The following RUNX3 variants were observed in gnomAD, a reference collection of about 807,000 sequenced individuals.
RUNX3 encodes runt-related transcription factor 3.
In RUNX3, 10 loss-of-function variants were observed where a neutral mutation model predicts 27.7. The observed-to-expected ratio is 0.36, with a 90% CI of 0.22 to 0.61. The LOEUF is 0.61. RUNX3 is among the 20% of genes least tolerant of loss of function. The pLI, the probability that RUNX3 is intolerant of heterozygous loss-of-function variation, is 0.72. For missense variants in RUNX3, 469 were observed against 629.5 expected (o/e 0.75, Z 2.73); for synonymous variants, 270 against 269.2 (o/e 1.00, Z -0.03).
chr1:24,930,498 C>G (rs546531189), upstream of RUNX3, among the ~76,000 whole-genome samples: 3 of 152,222 alleles, frequency 2.0e-5, no homozygotes, highest in African/African-American at 4.8e-5. The surrounding 1 kb of genome is among the most constrained non-coding windows in gnomAD (Gnocchi z 4.1). Context: ...CCCCCGAGAG[C>G]TCTGGGAGCC....
chr1:24,958,913 G>T (rs755085344), intron 2 of RUNX3, among the ~76,000 whole-genome samples: 18 of 152,198 alleles, frequency 1.2e-4, no homozygotes, highest in Non-Finnish European at 8.8e-5. Context: ...ATTTGAGGAA[G>T]AGTCTGCAGA....
intron 2 of RUNX3, among the ~76,000 whole-genome samples, chr1:24,921,247 T>C (rs1030141401): frequency 2.6e-5 from 4 of 152,198 alleles, no homozygotes; most frequent in Admixed American, 6.5e-5. Flanking sequence ...GGCCGGGTAC[T>C]TGTTAGTCAA....
intron 2 of RUNX3, among the ~76,000 whole-genome samples, chr1:24,921,032 T>C (rs984499101): frequency 6.6e-6 from 1 of 152,154 alleles, no homozygotes; most frequent in African/African-American, 2.4e-5. Context: ...GGGAACTCCC[T>C]GTGGGTAGGG....
Position 24,929,937 on chromosome 1 carries a change from C to T in RUNX3, c.-69G>A. On this transcript the variant is annotated 5_prime_UTR_variant, in exon 1 of 5. Coordinates refer to ENST00000308873, the MANE Select transcript of RUNX3 (RefSeq NM_004350.3). ...TTCCCCCGGGGGCGGCCGGCGCGGG[C>T]GCCTCCTCGGCCGCCGCTGCCGCGA... 18 of 1,219,568 alleles carry T rather than the reference C, an allele frequency of 1.5e-5. No individual in the cohort carries two copies. Among genetic ancestry groups the T allele is most frequent in the Non-Finnish European group, 1.8e-5 (18 of 981,564 alleles). The allele number at this position is 1,219,568 out of a possible 1,614,324, so 75.5% of individuals were successfully genotyped here.
rs144597350 is a variant in RUNX3 at position 24,902,641 on chromosome 1, G to A, written c.729C>T (p.Ser243=). 4.2e-5 allele frequency: 64 copies of A among 1,526,172 alleles called. No individual in the cohort carries two copies. Among genetic ancestry groups the A allele is most frequent in the Middle Eastern group, 1.8e-4 (1 of 5,630 alleles). The allele number at this position is 1,526,172 out of a possible 1,614,324, so 94.5% of individuals were successfully genotyped here. The change falls in exon 5 of 5, where the codon TCC becomes TCT. Residue 243 remains serine, a synonymous_variant. Transcript: ENST00000308873. The surrounding 1 kb of genome is among the most constrained non-coding windows in gnomAD (Gnocchi z 9.2). ...IQGTSELNPF[S]DPRQFDRSFP... The stretch of plus-strand genomic sequence containing the variant: ...AGGAGCGGTCAAACTGGCGGGGGTC[G>A]GAGAATGGGTTCAGTTCCGAGGTGC...
intron 2 of RUNX3, among the ~76,000 whole-genome samples, chr1:24,946,152 G>T (rs1641600545): frequency 6.6e-6 from 1 of 152,086 alleles, no homozygotes. Flanking sequence ...TATAAAAGGG[G>T]AAGAACAATC....
intron 2 of RUNX3, among the ~76,000 whole-genome samples, chr1:24,937,552 A>G (rs763711976): frequency 6.6e-6 from 1 of 152,234 alleles, no homozygotes; most frequent in Non-Finnish European, 1.5e-5. Flanking sequence ...AGGCTCAGAG[A>G]GGCTTCCATA....
rs1428558453 is a variant in RUNX3, at chr1:24,930,041, G to A, written c.-173C>T. 2 of 980,960 alleles carry A rather than the reference G, an allele frequency of 2.0e-6. No homozygotes were observed. The highest frequency in any genetic ancestry group is 3.5e-5 in the African/African-American group (2 of 56,742). The allele number at this position is 980,960 out of a possible 1,614,324, so 60.8% of individuals were successfully genotyped here. On this transcript the variant is annotated 5_prime_UTR_variant, in exon 1 of 5. Coordinates refer to ENST00000308873, the MANE Select transcript of RUNX3 (RefSeq NM_004350.3). This position sits in a 1 kb window ranked among gnomAD's most constrained non-coding sequence, Gnocchi z 4.1. Reference sequence around the variant, plus strand: ...GCCCGGCCACTACTCGCCAGGGCCCGCCCGCTGCGAGGCCTCGCTGGCCCG... The same window carrying A: ...GCCCGGCCACTACTCGCCAGGGCCCACCCGCTGCGAGGCCTCGCTGGCCCG...
At chr1:24,946,527 T>G (rs1419075926) in intron 2 of RUNX3, among the ~76,000 whole-genome samples, 5 of 152,118 alleles carry the variant, frequency 3.3e-5, no homozygotes, top group Non-Finnish European at 7.4e-5. Context: ...AGGGGACAAG[T>G]GGCTGCTAGA....
chr1:24,920,867 G>A (rs528682909), intron 2 of RUNX3, among the ~76,000 whole-genome samples: 1 of 152,142 alleles, frequency 6.6e-6, no homozygotes, highest in East Asian at 1.9e-4. Context: ...GGAGTTTGGG[G>A]GTCTGGGTAA....
In RUNX3 at chr1:24,899,964, G is replaced by A. The variant is rs1640504514; in HGVS notation, c.*2158C>T. ...ACTTTTTGTCAGGGGATGGGGGATGGGGTAGGAAGAGCAATTTATTTACTA... is the reference window on the plus strand; with the variant it reads ...ACTTTTTGTCAGGGGATGGGGGATGAGGTAGGAAGAGCAATTTATTTACTA... On this transcript the variant is annotated 3_prime_UTR_variant, in exon 5 of 5. Transcript: ENST00000308873. 1 of 152,440 alleles carries A rather than the reference G, an allele frequency of 6.6e-6. No individual in the cohort carries two copies. Among genetic ancestry groups the A allele is most frequent in the African/African-American group, 2.4e-5 (1 of 41,434 alleles). The allele number at this position is 152,440 out of a possible 1,614,324, so 9.4% of individuals were successfully genotyped here.
intron 3 of RUNX3, 47 bp from the exon 4 acceptor site, chr1:24,907,464 A>G (rs1255158788): frequency 1.3e-6 from 2 of 1,566,634 alleles, no homozygotes; most frequent in Admixed American, 1.8e-5. Context: ...CCAGAGTCTC[A>G]GTGGAGACAG....
At chr1:24,908,237 ACGCGGTGATCTG>A (rs1245566028) in intron 3 of RUNX3, among the ~76,000 whole-genome samples, 13 of 150,456 alleles carry the variant, frequency 8.6e-5, no homozygotes, top group African/African-American at 3.0e-4. Context: ...CCTCTATGAC[ACGCGGTGATCTG>A]AACCTCTACG....
chr1:24,941,567 G>A (rs1158638184), intron 2 of RUNX3, among the ~76,000 whole-genome samples: 1 of 152,192 alleles, frequency 6.6e-6, no homozygotes, highest in African/African-American at 2.4e-5. Context: ...GCTGAGCCTT[G>A]AACCTCAGCA....
Position 24,902,303 on chromosome 1 carries a change from G to A in RUNX3, c.1067C>T (p.Ser356Leu). The A allele has an allele frequency of 1.9e-6, 3 of 1,604,790 alleles. No homozygotes were observed. The highest frequency in any genetic ancestry group is 1.7e-6 in the Non-Finnish European group (2 of 1,177,310). Residue 356 changes from serine to leucine, a missense_variant, in exon 5 of 5, where the codon TCA becomes TTA. Coordinates refer to ENST00000308873, the MANE Select transcript of RUNX3 (RefSeq NM_004350.3). The surrounding 1 kb of genome is among the most constrained non-coding windows in gnomAD (Gnocchi z 9.2). ...VAGSSSGGDR[S>L]PTRMLASCTS... Reference sequence around the variant, plus strand: ...GCAAGAGGCCAGCATGCGGGTAGGTGAGCGGTCGCCCCCACTGCTGCTGCC... The same window carrying A: ...GCAAGAGGCCAGCATGCGGGTAGGTAAGCGGTCGCCCCCACTGCTGCTGCC...
intron 2 of RUNX3, among the ~76,000 whole-genome samples, chr1:24,936,075 A>G (rs1641344062): frequency 2.0e-5 from 3 of 152,218 alleles, no homozygotes; most frequent in Non-Finnish European, 4.4e-5. Flanking sequence ...GGACTCTTCT[A>G]CTGGGAGCCA....
In RUNX3 at chr1:24,919,252, G is replaced by A; in HGVS notation, c.532C>T (p.Arg178Trp). 2 of 1,595,192 alleles carry A rather than the reference G, an allele frequency of 1.3e-6. No homozygotes were observed. The highest frequency in any genetic ancestry group is 8.5e-7 in the Non-Finnish European group (1 of 1,172,072). The change falls in exon 3 of 5, where the codon CGG (arginine) becomes TGG (tryptophan). Residue 178 changes from arginine (R) to tryptophan (W), a missense_variant. By Grantham distance (101) the Arg-to-Trp change is moderately radical. This residue lies in a region of RUNX3 where 75 missense variants were observed against 168.5 expected (regional missense o/e 0.45). Transcript: ENST00000308873. Reference protein sequence around the residue: ...RAIKVTVDGPREPRRHRQKLE... With the variant: ...RAIKVTVDGPWEPRRHRQKLE... ...CGGTGGCACTTACGTCTGGGCTCCC[G>A]GGGTCCGTCCACGGTCACCTTGATG...
chr1:24,943,327 CAG>C lies in RUNX3; in HGVS notation c.59-13477_59-13476del, dbSNP rs1396358158. ...CCAGCAAATGTGAGGCTCCTGGAGA[CAG>C]GGTCATGGACTTGAGGCTCTGAGAC... On this transcript the variant is annotated intron_variant, in intron 2 of 6. Transcript: ENST00000338888. The surrounding 1 kb of genome is among the most constrained non-coding windows in gnomAD (Gnocchi z 4.6). Among the ~76,000 whole-genome samples, 1 of 152,232 alleles carries C rather than the reference CAG, an allele frequency of 6.6e-6. No homozygotes were observed. Among genetic ancestry groups the C allele is most frequent in the Non-Finnish European group, 1.5e-5 (1 of 68,046 alleles).
intron 2 of RUNX3, among the ~76,000 whole-genome samples, chr1:24,959,764 C>T (rs987914680): frequency 2.0e-5 from 3 of 152,172 alleles, no homozygotes; most frequent in African/African-American, 7.2e-5. Flanking sequence ...CCACCCCCTG[C>T]CTCCACACAG....
Sources: allele counts gnomAD v4.1 joint callset (sites outside exome capture counted in the v4.1 genomes callset), GRCh38; gene constraint gnomAD v4.1.1; regional missense constraint gnomAD v4.1.1; non-coding constraint Gnocchi (gnomAD v3.1); transcripts MANE v1.5; gene names NCBI Gene and HGNC (gene_info 2026-07-23, HGNC 2026-07-21).